ILDR1: variants seen among roughly 807,000 people sequenced by gnomAD.
ILDR1 encodes immunoglobulin-like domain-containing receptor 1.
A neutral mutation model predicts 62.4 loss-of-function variants in ILDR1; 56 were observed. The observed-to-expected ratio is 0.90, with a 90% CI of 0.72 to 1.12. The LOEUF is 1.12. Ranked by LOEUF, ILDR1 falls within the 50% of genes most tolerant of loss-of-function variation. The probability of loss-of-function intolerance (pLI) is 0.00; values close to 1 mark genes in which losing one functional copy is unlikely to be tolerated. For missense variants in ILDR1, 736 were observed against 710.6 expected, an observed-to-expected ratio of 1.04 and a Z score of -0.41; for synonymous variants, 284 against 277.8, an observed-to-expected ratio of 1.02 and a Z score of -0.22.
upstream of ILDR1, among the ~76,000 whole-genome samples, chr3:122,024,312 C>A (rs113229608): frequency 0.046 from 6,975 of 152,228 alleles, 220 homozygotes; most frequent in South Asian, 0.094. Context: ...TTTTTTCTCA[C>A]ATATGGTTTA....
chr3:122,056,150 G>T, the ILDR1 span, among the ~76,000 whole-genome samples: 3 of 151,916 alleles, frequency 2.0e-5, no homozygotes, highest in Admixed American at 1.3e-4. Flanking sequence ...GACAGATGGG[G>T]TAACTGTGGC....
At chr3:122,042,707 T>C in the ILDR1 span, among the ~76,000 whole-genome samples, 1 of 152,250 alleles carries the variant, frequency 6.6e-6, no homozygotes, top group African/African-American at 2.4e-5. Context: ...GCTGCATAAA[T>C]GTCTTCTTTT....
rs775476932 is a variant in ILDR1, at chr3:122,006,974, G to C, written c.229+17C>G. On this transcript the variant is annotated intron_variant, in intron 2 of 7. Coordinates refer to ENST00000344209, the MANE Select transcript of ILDR1 (RefSeq NM_001199799.2). ...TGTCTGGGACCCACAGAGGGCCAAG[G>C]GGGTAAGGATACTCACACGCTGAGT... is the stretch of plus-strand genomic sequence containing the variant. 2.3e-5 allele frequency: 37 copies of C among 1,609,020 alleles called. No homozygotes were observed. Among genetic ancestry groups the C allele is most frequent in the South Asian group, 2.2e-4 (20 of 90,330 alleles).
chr3:121,988,546 G>C, intron 7 of ILDR1, 138 bp from the exon 8 acceptor site: 1 of 721,142 alleles, frequency 1.4e-6, no homozygotes, highest in Non-Finnish European at 2.5e-6. Flanking sequence ...AACCTAAAAA[G>C]TATTTCTTTA....
chr3:121,996,661 C>A (rs1039657494), intron 5 of ILDR1, among the ~76,000 whole-genome samples: 8 of 152,170 alleles, frequency 5.3e-5, no homozygotes, highest in African/African-American at 1.7e-4. Flanking sequence ...CTTAGTCACC[C>A]TTAATGAGCT....
At chr3:122,011,208 A>C (rs891119450) in intron 1 of ILDR1, among the ~76,000 whole-genome samples, 20 of 152,190 alleles carry the variant, frequency 1.3e-4, no homozygotes, top group African/African-American at 4.6e-4. Flanking sequence ...TTTAATCAAC[A>C]CTCTAGTCAA....
rs1046259104 is a variant in ILDR1, at chr3:122,020,566, C to G, written c.58+1454G>C. On this transcript the variant is annotated intron_variant, in intron 1 of 7. Transcript: ENST00000344209. ...AGTCTTAATTCTGGGGATAGAATAC[C>G]CAGGGGCAGTGGTGGGAGCAGAACT... is the stretch of plus-strand genomic sequence containing the variant. 7.2e-5 allele frequency among the ~76,000 whole-genome samples: 11 copies of G among 151,998 alleles called. 1 individual carries two copies. The highest frequency in any genetic ancestry group is 4.1e-4 in the South Asian group (2 of 4,822).
chr3:122,040,514 T>A, the ILDR1 span, among the ~76,000 whole-genome samples: 1 of 151,794 alleles, frequency 6.6e-6, no homozygotes, highest in Admixed American at 6.6e-5. Context: ...CTTGGAGGAC[T>A]GATACACCTA....
At chr3:122,021,336 T>C (rs1042749714) in intron 1 of ILDR1, among the ~76,000 whole-genome samples, 4 of 152,108 alleles carry the variant, frequency 2.6e-5, no homozygotes, top group African/African-American at 4.8e-5. Flanking sequence ...TACACACTTC[T>C]GTCAGATTTC....
the ILDR1 span, among the ~76,000 whole-genome samples, chr3:122,045,035 G>A: frequency 6.6e-6 from 1 of 151,858 alleles, no homozygotes; most frequent in African/African-American, 2.4e-5. Context: ...GATGTTTCCT[G>A]CTTTCTCTTG....
chr3:121,992,648 A>G (rs1257385075), intron 7 of ILDR1, among the ~76,000 whole-genome samples: 1 of 152,192 alleles, frequency 6.6e-6, no homozygotes, highest in East Asian at 1.9e-4. Flanking sequence ...GGGATGTCTC[A>G]GAGGGTCCCA....
the ILDR1 span, among the ~76,000 whole-genome samples, chr3:122,050,974 C>T: frequency 6.6e-6 from 1 of 152,144 alleles, no homozygotes; most frequent in Admixed American, 6.5e-5. Context: ...CCCTTTTGTC[C>T]TTCAAAGTTT....
intron 7 of ILDR1, among the ~76,000 whole-genome samples, chr3:121,991,855 G>A (rs561975937): frequency 1.3e-5 from 2 of 152,288 alleles, no homozygotes; most frequent in Admixed American, 1.3e-4. Flanking sequence ...AGCAGAACAT[G>A]TACTTCCAAA....
chr3:122,045,145 A>G, the ILDR1 span, among the ~76,000 whole-genome samples: 1 of 151,088 alleles, frequency 6.6e-6, no homozygotes, highest in African/African-American at 2.4e-5. Flanking sequence ...TTCAAAGAAC[A>G]TCTTTATTTC....
rs745810698 is a variant in ILDR1, at chr3:121,993,350, T to C, written c.1399A>G (p.Ser467Gly). 95 of 1,609,816 alleles carry C rather than the reference T, an allele frequency of 5.9e-5. No individual in the cohort carries two copies. Among genetic ancestry groups the C allele is most frequent in the South Asian group, 8.8e-5 (8 of 90,940 alleles). The change falls in exon 7 of 8, where the codon AGC (serine) becomes GGC (glycine). Residue 467 changes from serine (S) to glycine (G), a missense_variant. Coordinates refer to ENST00000344209, the MANE Select transcript of ILDR1 (RefSeq NM_001199799.2). ...CCGGAGGGCAAGGGAGGAGAGTAGCTGCGGTGCCTGCGTCGTCTCCCGTGC... is the reference window on the plus strand; with the variant it reads ...CCGGAGGGCAAGGGAGGAGAGTAGCCGCGGTGCCTGCGTCGTCTCCCGTGC... ...QRHGRRRRHR[S>G]YSPPLPSGLS...
At chr3:122,001,212 A>C in intron 5 of ILDR1, 96 bp downstream of exon 5, 1 of 1,380,410 alleles carries the variant, frequency 7.2e-7, no homozygotes, top group South Asian at 1.2e-5. Context: ...ATGGAGGAGA[A>C]CCTGGAAGAA....
the ILDR1 span, among the ~76,000 whole-genome samples, chr3:122,056,374 C>T: frequency 9.9e-5 from 15 of 152,108 alleles, no homozygotes; most frequent in Admixed American, 4.6e-4. Flanking sequence ...CTCGCTCTGT[C>T]GCCAAGCTGG....
intron 1 of ILDR1, 64 bp from the exon 2 acceptor site, chr3:122,007,225 A>G: frequency 6.2e-7 from 1 of 1,610,828 alleles, no homozygotes; most frequent in Non-Finnish European, 8.5e-7. Flanking sequence ...AAGAAAAACA[A>G]TGCAAATGGG....
At chr3:122,007,705 C>T (rs955847759) in intron 1 of ILDR1, among the ~76,000 whole-genome samples, 1 of 152,066 alleles carries the variant, frequency 6.6e-6, no homozygotes, top group Non-Finnish European at 1.5e-5. Flanking sequence ...CCAGGTGCAG[C>T]TCTTTCAGCC....
Sources: allele counts gnomAD v4.1 joint callset (sites outside exome capture counted in the v4.1 genomes callset), GRCh38; gene constraint gnomAD v4.1.1; transcripts MANE v1.5; gene names NCBI Gene and HGNC (gene_info 2026-07-23, HGNC 2026-07-21).